Variants in OXR1 observed in about 807,000 individuals in gnomAD.
OXR1 encodes the protein oxidation resistance 1.
OXR1 carries 41 observed loss-of-function variants against 104.6 expected under a neutral mutation model. The ratio of observed to expected loss-of-function variants is 0.39; its 90% CI spans 0.31 to 0.51. The LOEUF (loss-of-function observed/expected upper bound fraction) is 0.51, where lower values mean the gene tolerates loss of function less well. Among genes scored for constraint, OXR1 ranks in the 20% least tolerant of loss-of-function variants. The pLI is 0.77. For missense variants in OXR1, 955 were observed against 1,031.9 expected, an observed-to-expected ratio of 0.93 and a Z score of 1.02; for synonymous variants, 348 against 348.4, an observed-to-expected ratio of 1.00 and a Z score of 0.01.
At chr8:106,476,356 A>G (rs1438351053) in intron 2 of OXR1, among the ~76,000 whole-genome samples, 2 of 151,958 alleles carry the variant, frequency 1.3e-5, no homozygotes, top group East Asian at 3.9e-4. Context: ...GATGAACCCA[A>G]TCAAGATAAA....
intron 3 of OXR1, among the ~76,000 whole-genome samples, chr8:106,538,314 T>G (rs955443688): frequency 6.6e-6 from 1 of 152,262 alleles, no homozygotes; most frequent in Admixed American, 6.5e-5. Context: ...TTAATTTTAA[T>G]TTTTGGATAC....
At chr8:106,549,410 G>GCT (rs1258112004) in intron 3 of OXR1, among the ~76,000 whole-genome samples, 1 of 152,056 alleles carries the variant, frequency 6.6e-6, no homozygotes, top group Admixed American at 6.6e-5. Context: ...AATAAATATT[G>GCT]AATATTAGCA....
At chr8:106,481,931 GAATATGTAAGATAA>G (rs1387441328) in intron 2 of OXR1, among the ~76,000 whole-genome samples, 1 of 151,912 alleles carries the variant, frequency 6.6e-6, no homozygotes, top group Non-Finnish European at 1.5e-5. Context: ...TCCATGAGCA[GAATATGTAAGATAA>G]TACATTTGAG....
chr8:106,352,415 T>C (rs2130311082), intron 1 of OXR1, among the ~76,000 whole-genome samples: 1 of 152,344 alleles, frequency 6.6e-6, no homozygotes, highest in Middle Eastern at 3.4e-3. Flanking sequence ...AAAGGGAGCT[T>C]ACCAGTGTGT....
At chr8:106,293,814 G>A (rs767690301) in intron 1 of OXR1, among the ~76,000 whole-genome samples, 5 of 152,086 alleles carry the variant, frequency 3.3e-5, no homozygotes, top group Non-Finnish European at 7.4e-5. Context: ...TAATCCATTC[G>A]TGAGGTTGGA....
intron 3 of OXR1, among the ~76,000 whole-genome samples, chr8:106,613,398 T>G (rs1820957795): frequency 6.6e-6 from 1 of 152,246 alleles, no homozygotes; most frequent in African/African-American, 2.4e-5. Context: ...CTAACATACT[T>G]GATATGTCCT....
chr8:106,296,804 A>G (rs1458536744), intron 1 of OXR1, among the ~76,000 whole-genome samples: 1 of 152,260 alleles, frequency 6.6e-6, no homozygotes, highest in Admixed American at 6.5e-5. Flanking sequence ...CTGGAACAAG[A>G]GTAGTCTCAG....
rs1813062050 is a variant in OXR1 at position 106,297,783 on chromosome 8, G to A, written c.-139+27416G>A. 2.0e-5 allele frequency among the ~76,000 whole-genome samples: 3 copies of A among 152,262 alleles called. No individual in the cohort carries two copies. The South Asian group carries it at 6.2e-4, about 32-fold the overall frequency. On this transcript the variant is annotated intron_variant, in intron 1 of 16. Transcript: ENST00000517566. The stretch of plus-strand genomic sequence containing the variant: ...ATGATTTAGGTTAAATATGGATTTA[G>A]AATGTGTTTTCAAACATGCACAACT...
rs140642591 is a variant in OXR1, at chr8:106,349,708, G to A, written c.-138-9768G>A. 5.2e-3 allele frequency among the ~76,000 whole-genome samples: 799 copies of A among 152,248 alleles called. 4 individuals are homozygous for A. The highest frequency in any genetic ancestry group is 8.9e-3 in the Non-Finnish European group (602 of 68,020). On this transcript the variant is annotated intron_variant, in intron 1 of 16. Transcript: ENST00000517566. The stretch of plus-strand genomic sequence containing the variant: ...AGAACAGTGAAAATTGGAGAGCTTC[G>A]ATGTTTCAGCACCCTGGAAGTCAAG...
At chr8:106,376,099 T>C (rs1816896427) in intron 2 of OXR1, among the ~76,000 whole-genome samples, 2 of 152,240 alleles carry the variant, frequency 1.3e-5, no homozygotes, top group Non-Finnish European at 2.9e-5. Flanking sequence ...CCTTCTCACC[T>C]CAGTCTCTGT....
At chr8:106,288,911 G>T (rs1365318781) in intron 1 of OXR1, among the ~76,000 whole-genome samples, 1 of 151,858 alleles carries the variant, frequency 6.6e-6, no homozygotes, top group Admixed American at 6.6e-5. Flanking sequence ...TATGTCGATT[G>T]TGCACTCTTT....
intron 2 of OXR1, among the ~76,000 whole-genome samples, chr8:106,478,716 T>C (rs1821937038): frequency 6.6e-6 from 1 of 151,740 alleles, no homozygotes; most frequent in African/African-American, 2.4e-5. Flanking sequence ...ATACGTATGA[T>C]TAATTCTAAA....
intron 1 of OXR1, among the ~76,000 whole-genome samples, chr8:106,348,803 T>C (rs1815604605): frequency 6.6e-6 from 1 of 151,750 alleles, no homozygotes; most frequent in Admixed American, 6.6e-5. Context: ...CAGCAGAGAG[T>C]GGAAACAAAC....
intron 13 of OXR1, among the ~76,000 whole-genome samples, chr8:106,739,875 AT>A (rs751585817): frequency 1.4e-4 from 22 of 152,282 alleles, no homozygotes; most frequent in Middle Eastern, 3.4e-3. Context: ...GGATGCTCTT[AT>A]TATGCACATT....
chr8:106,339,728 A>T (rs1040258768), intron 1 of OXR1, among the ~76,000 whole-genome samples: 1 of 148,662 alleles, frequency 6.7e-6, no homozygotes, highest in Non-Finnish European at 1.5e-5. Flanking sequence ...TTCCTTTGAT[A>T]AAAAAAAATA....
intron 16 of OXR1, among the ~76,000 whole-genome samples, chr8:106,747,812 A>T (rs546950709): frequency 6.6e-5 from 10 of 152,334 alleles, no homozygotes; most frequent in African/African-American, 2.2e-4. Flanking sequence ...AATTCAGGTT[A>T]CCTTGGAAAA....
intron 11 of OXR1, among the ~76,000 whole-genome samples, chr8:106,734,824 G>A (rs1834223121): frequency 6.6e-6 from 1 of 152,180 alleles, no homozygotes; most frequent in Non-Finnish European, 1.5e-5. Context: ...ATTCTGCAGA[G>A]TATAGGTCAT....
At chr8:106,294,008 A>C (rs191439680) in intron 1 of OXR1, among the ~76,000 whole-genome samples, 58 of 145,180 alleles carry the variant, frequency 4.0e-4, no homozygotes, top group African/African-American at 1.3e-3. Flanking sequence ...AAATAGAATA[A>C]GCTGAGGAAA....
chr8:106,527,081 C>T (rs1194482026), intron 3 of OXR1, among the ~76,000 whole-genome samples: 1 of 152,074 alleles, frequency 6.6e-6, no homozygotes, highest in African/African-American at 2.4e-5. Context: ...GTTATGAGAC[C>T]ATAAACAAAG....
Sources: gnomAD v4.1 joint callset for allele counts (sites outside exome capture counted in the v4.1 genomes callset) on GRCh38, gnomAD v4.1.1 for gene constraint, MANE v1.5 for transcripts, NCBI Gene and HGNC (gene_info 2026-07-23, HGNC 2026-07-21) for gene names.